The following LIN7A variants were observed in gnomAD, a reference collection of about 807,000 sequenced individuals.
LIN7A encodes the protein protein lin-7 homolog A.
Under a neutral mutation model 29.8 loss-of-function variants are expected in LIN7A, and 25 were observed. The ratio of observed to expected loss-of-function variants is 0.84; its 90% CI spans 0.61 to 1.17. The LOEUF (loss-of-function observed/expected upper bound fraction) is 1.17, where lower values mean the gene tolerates loss of function less well. Among genes scored for constraint, LIN7A ranks in the 50% most tolerant of loss-of-function variants. LIN7A has a pLI of 0.00. For synonymous variants in LIN7A, 118 were observed against 107.5 expected (o/e 1.10, Z -0.60); for missense variants, 239 against 287.0 (o/e 0.83, Z 1.21).
chr12:80,891,674 C>A (rs890284356), intron 1 of LIN7A, among the ~76,000 whole-genome samples: 1 of 152,068 alleles, frequency 6.6e-6, no homozygotes, highest in Non-Finnish European at 1.5e-5. Flanking sequence ...ATAAATGAAG[C>A]ACTACAGGAT....
intron 4 of LIN7A, chr12:80,832,592 G>A: frequency 2.1e-6 from 1 of 468,114 alleles, no homozygotes; most frequent in Admixed American, 2.5e-5. Context: ...GGTAGGAAAT[G>A]GCCACCTTCA....
At chr12:80,853,081 C>G (rs1028412397) in intron 2 of LIN7A, among the ~76,000 whole-genome samples, 17 of 152,150 alleles carry the variant, frequency 1.1e-4, no homozygotes, top group African/African-American at 3.6e-4. Context: ...ACCTGCCTAT[C>G]TCTGAATTTG....
At chr12:80,873,410 G>A (rs1378476247) in intron 2 of LIN7A, among the ~76,000 whole-genome samples, 1 of 151,884 alleles carries the variant, frequency 6.6e-6, no homozygotes, top group East Asian at 1.9e-4. Flanking sequence ...GCACAAGCCT[G>A]TAGTTCTAAC....
chr12:80,870,388 T>A (rs1478559683), intron 2 of LIN7A, among the ~76,000 whole-genome samples: 1 of 152,190 alleles, frequency 6.6e-6, no homozygotes, highest in East Asian at 1.9e-4. Context: ...AATGTAAGTA[T>A]CCTCTCTCTT....
intron 1 of LIN7A, among the ~76,000 whole-genome samples, chr12:80,913,307 G>A (rs1312036278): frequency 6.6e-6 from 1 of 152,174 alleles, no homozygotes; most frequent in Non-Finnish European, 1.5e-5. Flanking sequence ...GTTTAAAAAG[G>A]TTTTGTTTCT....
At chr12:80,800,297 C>A (rs2121480719) in intron 5 of LIN7A, among the ~76,000 whole-genome samples, 1 of 152,106 alleles carries the variant, frequency 6.6e-6, no homozygotes, top group East Asian at 1.9e-4. Flanking sequence ...TGAGACCAGT[C>A]TGACCAACAT....
At chr12:80,829,655 C>T (rs1482472697) in intron 4 of LIN7A, among the ~76,000 whole-genome samples, 2 of 152,138 alleles carry the variant, frequency 1.3e-5, no homozygotes, top group Non-Finnish European at 2.9e-5. Flanking sequence ...TGAGATTCCA[C>T]AGAGAGTAAT....
chr12:80,898,257 T>G (rs969995307), intron 1 of LIN7A, among the ~76,000 whole-genome samples: 1 of 152,230 alleles, frequency 6.6e-6, no homozygotes, highest in Non-Finnish European at 1.5e-5. Flanking sequence ...TTTTGTCAAC[T>G]TTGTTGAAGA....
At chr12:80,924,493 A>C (rs1182136927) in intron 1 of LIN7A, among the ~76,000 whole-genome samples, 1 of 152,198 alleles carries the variant, frequency 6.6e-6, no homozygotes, top group Non-Finnish European at 1.5e-5. Flanking sequence ...TTAGATATTT[A>C]CAGCAACCTT....
chr12:80,851,678 C>G (rs1480086270), intron 2 of LIN7A, among the ~76,000 whole-genome samples: 2 of 152,112 alleles, frequency 1.3e-5, no homozygotes, highest in African/African-American at 4.8e-5. Context: ...GTTGTATGTG[C>G]TTTAATGAGG....
intron 1 of LIN7A, among the ~76,000 whole-genome samples, chr12:80,900,366 T>C (rs1876147716): frequency 6.6e-6 from 1 of 152,208 alleles, no homozygotes; most frequent in Non-Finnish European, 1.5e-5. Context: ...GGCTGTTAAT[T>C]TGAGATCTTT....
intron 2 of LIN7A, among the ~76,000 whole-genome samples, chr12:80,887,265 C>T (rs1191395690): frequency 6.6e-6 from 1 of 152,096 alleles, no homozygotes; most frequent in African/African-American, 2.4e-5. Flanking sequence ...ATCATCTTAT[C>T]TGTCACTCAA....
chr12:80,840,549 C>G (rs1403652837), intron 4 of LIN7A, among the ~76,000 whole-genome samples: 2 of 151,870 alleles, frequency 1.3e-5, no homozygotes, highest in Non-Finnish European at 2.9e-5. Context: ...TTCTGAGGAA[C>G]AAATGAGAGA....
At chr12:80,856,055 T>A (rs1245386616) in intron 2 of LIN7A, among the ~76,000 whole-genome samples, 1 of 152,046 alleles carries the variant, frequency 6.6e-6, no homozygotes, top group Non-Finnish European at 1.5e-5. Flanking sequence ...AACTAAAAAA[T>A]TTAGGTTATG....
In LIN7A at chr12:80,854,485, C is replaced by CAAAAAAAAAAAAAA. The variant is rs370465323; in HGVS notation, c.202-6164_202-6163insTTTTTTTTTTTTTT. Among the ~76,000 whole-genome samples, 6 of 37,112 alleles carry CAAAAAAAAAAAAAA rather than the reference C, an allele frequency of 1.6e-4. 3 individuals are homozygous for CAAAAAAAAAAAAAA. Among genetic ancestry groups the CAAAAAAAAAAAAAA allele is most frequent in the African/African-American group, 5.6e-4 (6 of 10,632 alleles). 24.3% of individuals were successfully genotyped at this position (37,112 alleles called of 152,430 possible). On this transcript the variant is annotated intron_variant, in intron 2 of 5. Coordinates refer to ENST00000552864, the MANE Select transcript of LIN7A (RefSeq NM_004664.4). Reference sequence around the variant, plus strand: ...TGAATCTGAAATGCATGTTGCTAAGCCAAAAAAAAAAAAAAAAAAAAAAGC... The same window carrying CAAAAAAAAAAAAAA: ...TGAATCTGAAATGCATGTTGCTAAGCAAAAAAAAAAAAAACAAAAAAAAAAAAAAAAAAAAAAGC...
chr12:80,922,022 T>C (rs1877340266), intron 1 of LIN7A, among the ~76,000 whole-genome samples: 1 of 152,204 alleles, frequency 6.6e-6, no homozygotes, highest in Non-Finnish European at 1.5e-5. Flanking sequence ...TATCTTCCAC[T>C]GTTTACAAAA....
At chr12:80,868,552 G>A (rs12819779) in intron 2 of LIN7A, among the ~76,000 whole-genome samples, 64,694 of 151,990 alleles carry the variant, frequency 0.43, 14,206 homozygotes, top group East Asian at 0.67. Flanking sequence ...TGGGCAACAA[G>A]AGCAAAACTC....
At chr12:80,882,844 G>A (rs1875132351) in intron 2 of LIN7A, among the ~76,000 whole-genome samples, 2 of 151,984 alleles carry the variant, frequency 1.3e-5, no homozygotes, top group South Asian at 4.1e-4. Context: ...ATCCTATGTA[G>A]TTATTATTGT....
At position 80,866,384 on chromosome 12, in the gene LIN7A, CTCT is replaced by C. The variant is rs1274516857; in HGVS notation, c.202-18065_202-18063del. 2.6e-5 allele frequency among the ~76,000 whole-genome samples: 4 copies of C among 152,104 alleles called. No homozygotes were observed. The South Asian group carries it at 6.2e-4, about 24-fold the overall frequency. ...AAAGCATTTTGTTGACTCTATTATACTCTTCTTAATTTTTTTTTCTGTCTTATT... is the reference window on the plus strand; with the variant it reads ...AAAGCATTTTGTTGACTCTATTATACTCTTAATTTTTTTTTCTGTCTTATT... On this transcript the variant is annotated intron_variant, in intron 2 of 5. Transcript: ENST00000552864.
Sources: allele counts gnomAD v4.1 joint callset (sites outside exome capture counted in the v4.1 genomes callset), GRCh38; gene constraint gnomAD v4.1.1; transcripts MANE v1.5; gene names NCBI Gene and HGNC (gene_info 2026-07-23, HGNC 2026-07-21).